The following ZDHHC21 variants were observed in gnomAD, a reference collection of about 807,000 sequenced individuals.
ZDHHC21 encodes the protein palmitoyltransferase ZDHHC21.
ZDHHC21 carries 15 observed loss-of-function variants against 34.6 expected under a neutral mutation model. The observed-to-expected ratio is 0.43, with a 90% CI of 0.29 to 0.67. ZDHHC21 has a LOEUF of 0.67. Among genes scored for constraint, ZDHHC21 ranks in the 30% least tolerant of loss-of-function variants. The pLI is 0.14. For synonymous variants in ZDHHC21, 142 were observed against 101.8 expected, an observed-to-expected ratio of 1.40 and a Z score of -2.38; for missense variants, 344 against 327.7, an observed-to-expected ratio of 1.05 and a Z score of -0.38.
intron 5 of ZDHHC21, among the ~76,000 whole-genome samples, chr9:14,663,369 C>G (rs1488964644): frequency 3.3e-5 from 5 of 151,762 alleles, no homozygotes; most frequent in African/African-American, 1.2e-4. Flanking sequence ...CTAGCACATA[C>G]TAGGTAGTCA....
intron 8 of ZDHHC21, 114 bp from the exon 9 acceptor site, chr9:14,619,796 GT>G: frequency 3.8e-6 from 2 of 525,952 alleles, no homozygotes; most frequent in Non-Finnish European, 5.7e-6. Flanking sequence ...GATTTAAACA[GT>G]TTATATATGA....
intron 8 of ZDHHC21, chr9:14,622,742 T>C (rs990568771): frequency 1.9e-5 from 19 of 985,206 alleles, no homozygotes; most frequent in Admixed American, 6.2e-5. Flanking sequence ...ACTATCTCTT[T>C]TGAGTCTGGA....
At chr9:14,650,476 C>T (rs568111003) in intron 7 of ZDHHC21, among the ~76,000 whole-genome samples, 1 of 151,894 alleles carries the variant, frequency 6.6e-6, no homozygotes, top group African/African-American at 2.4e-5. Context: ...TTCCATTCTT[C>T]AGTGAACAAA....
chr9:14,599,319 T>A, the ZDHHC21 span, among the ~76,000 whole-genome samples: 1 of 152,080 alleles, frequency 6.6e-6, no homozygotes, highest in East Asian at 1.9e-4. Context: ...GGGTGGGGCA[T>A]TGCCTCACTT....
chr9:14,610,263 T>A (rs995849856), downstream of ZDHHC21, among the ~76,000 whole-genome samples: 1 of 151,958 alleles, frequency 6.6e-6, no homozygotes, highest in Non-Finnish European at 1.5e-5. Flanking sequence ...AGAACTGTTG[T>A]AACTTATCAT....
At chr9:14,684,536 C>G (rs550346436) in intron 2 of ZDHHC21, among the ~76,000 whole-genome samples, 1 of 150,740 alleles carries the variant, frequency 6.6e-6, no homozygotes, top group African/African-American at 2.4e-5. Context: ...CAAACCACTG[C>G]TCAATGAAAT....
At chr9:14,647,150 C>T (rs1830395270) in intron 7 of ZDHHC21, among the ~76,000 whole-genome samples, 1 of 152,052 alleles carries the variant, frequency 6.6e-6, no homozygotes, top group Non-Finnish European at 1.5e-5. Context: ...CACACATAAA[C>T]CAGCAGAGGA....
chr9:14,606,768 T>C (rs766909468), downstream of ZDHHC21, among the ~76,000 whole-genome samples: 2 of 152,046 alleles, frequency 1.3e-5, no homozygotes, highest in Non-Finnish European at 2.9e-5. Context: ...CCAGGAAATA[T>C]ATTAATAAAA....
chr9:14,693,089 A>AGGAGCAGGTGCAGGGGGCGTGCC, intron 1 of ZDHHC21, 140 bp downstream of exon 1: 1 of 195,162 alleles, frequency 5.1e-6, no homozygotes, highest in Non-Finnish European at 1.0e-5. Flanking sequence ...GGGGGCGTGC[A>AGGAGCAGGTGCAGGGGGCGTGCC]GGAACAGGTG....
At chr9:14,641,258 T>C (rs528957480) in intron 7 of ZDHHC21, among the ~76,000 whole-genome samples, 6 of 152,246 alleles carry the variant, frequency 3.9e-5, no homozygotes, top group East Asian at 1.9e-4. Flanking sequence ...TGGAAAAACT[T>C]AGAATTCAGC....
chr9:14,683,321 AAAGAG>A (rs1410018122), intron 2 of ZDHHC21, among the ~76,000 whole-genome samples: 1 of 72,504 alleles, frequency 1.4e-5, no homozygotes, highest in Non-Finnish European at 3.5e-5. Context: ...ATAAAGAAGA[AAAGAG>A]AGAAGAATCA....
At chr9:14,662,646 A>G (rs1489755162) in intron 5 of ZDHHC21, among the ~76,000 whole-genome samples, 4 of 152,220 alleles carry the variant, frequency 2.6e-5, no homozygotes, top group Non-Finnish European at 4.4e-5. Context: ...AAAACCCTAG[A>G]GCCCAACCAA....
chr9:14,634,823 A>G (rs989427321), intron 8 of ZDHHC21, among the ~76,000 whole-genome samples: 9 of 152,338 alleles, frequency 5.9e-5, no homozygotes, highest in African/African-American at 1.9e-4. Flanking sequence ...AAGAAATACA[A>G]TAATTCTCCA....
At chr9:14,671,578 G>C (rs1238567482) in intron 5 of ZDHHC21, among the ~76,000 whole-genome samples, 1 of 152,010 alleles carries the variant, frequency 6.6e-6, no homozygotes, top group Non-Finnish European at 1.5e-5. Flanking sequence ...GTAAATTTTT[G>C]AGAGACTGCA....
At chr9:14,649,951 G>A (rs1171998656) in intron 7 of ZDHHC21, among the ~76,000 whole-genome samples, 1 of 152,006 alleles carries the variant, frequency 6.6e-6, no homozygotes. Flanking sequence ...TAAAATTGCT[G>A]CCAGGTTTTA....
At chr9:14,632,417 C>G (rs1015967793) in intron 8 of ZDHHC21, among the ~76,000 whole-genome samples, 1 of 151,630 alleles carries the variant, frequency 6.6e-6, no homozygotes, top group Non-Finnish European at 1.5e-5. Context: ...AAAGATGGAC[C>G]CCTACTTCAC....
At chr9:14,610,229 G>C (rs1315333110), downstream of ZDHHC21, among the ~76,000 whole-genome samples, 2 of 151,850 alleles carry the variant, frequency 1.3e-5, no homozygotes, top group African/African-American at 4.8e-5. Context: ...TAAATGTAAA[G>C]GAGTCCTGAG....
chr9:14,624,252 T>G (rs920929236), intron 8 of ZDHHC21, among the ~76,000 whole-genome samples: 3 of 152,146 alleles, frequency 2.0e-5, no homozygotes, highest in African/African-American at 7.2e-5. Flanking sequence ...TACACCATTT[T>G]ACATAAGGAA....
chr9:14,622,464 G>A (rs1825474461), intron 8 of ZDHHC21: 2 of 946,708 alleles, frequency 2.1e-6, no homozygotes, highest in African/African-American at 1.8e-5. Flanking sequence ...TTGGCTTGAT[G>A]TTAGGAAAAT....
Sources: gnomAD v4.1 joint callset for allele counts (sites outside exome capture counted in the v4.1 genomes callset) on GRCh38, gnomAD v4.1.1 for gene constraint, MANE v1.5 for transcripts, NCBI Gene and HGNC (gene_info 2026-07-23, HGNC 2026-07-21) for gene names.